The following PARD3 variants were observed in gnomAD, a reference collection of about 807,000 sequenced individuals.
The protein encoded by PARD3 is par-3 family cell polarity regulator, also known as partitioning defective 3 homolog.
A neutral mutation model predicts 155.4 loss-of-function variants in PARD3; 75 were observed. The ratio of observed to expected loss-of-function variants is 0.48; its 90% CI spans 0.40 to 0.58. PARD3 has a LOEUF of 0.58. Ranked by LOEUF, PARD3 falls within the 20% of genes least tolerant of loss-of-function variation. PARD3 has a pLI of 0.00. For missense variants in PARD3, 1,642 were observed against 1,721.7 expected (o/e 0.95, Z 0.82); for synonymous variants, 576 against 610.5 (o/e 0.94, Z 0.83).
chr10:34,282,502 A>G (rs1270443707), intron 21 of PARD3, among the ~76,000 whole-genome samples: 1 of 152,204 alleles, frequency 6.6e-6, no homozygotes, highest in Non-Finnish European at 1.5e-5. Context: ...TAAGCATCAT[A>G]AAAGTATTTT....
chr10:34,600,006 T>C (rs950534378), intron 2 of PARD3, among the ~76,000 whole-genome samples: 5 of 151,892 alleles, frequency 3.3e-5, no homozygotes, highest in African/African-American at 1.2e-4. Flanking sequence ...TTTGACACTG[T>C]GATGAGATCC....
At chr10:34,544,639 C>A (rs2083902675) in intron 2 of PARD3, among the ~76,000 whole-genome samples, 1 of 152,164 alleles carries the variant, frequency 6.6e-6, no homozygotes, top group South Asian at 2.1e-4. Context: ...GAATCAGAAA[C>A]TCTGGGGCTG....
intron 2 of PARD3, among the ~76,000 whole-genome samples, chr10:34,565,260 C>CTTTTTTTTTTTTTTTTTTT (rs59606413): frequency 7.6e-5 from 3 of 39,670 alleles, no homozygotes; most frequent in African/African-American, 3.3e-4. Flanking sequence ...AGGAGCAAGG[C>CTTTTTTTTTTTTTTTTTTT]TTTTTTTTTT....
chr10:34,693,848 C>G (rs2094114482), intron 2 of PARD3, among the ~76,000 whole-genome samples: 1 of 152,148 alleles, frequency 6.6e-6, no homozygotes, highest in Admixed American at 6.6e-5. Context: ...AAAGACTACA[C>G]AGCCATGTTG....
intron 2 of PARD3, among the ~76,000 whole-genome samples, chr10:34,598,546 A>T (rs2089492441): frequency 6.6e-6 from 1 of 152,256 alleles, no homozygotes; most frequent in African/African-American, 2.4e-5. Context: ...TATTTTTTTA[A>T]ATCGAGGGAA....
chr10:34,373,518 A>G (rs529096292), intron 11 of PARD3, among the ~76,000 whole-genome samples: 1 of 151,890 alleles, frequency 6.6e-6, no homozygotes, highest in East Asian at 1.9e-4. Context: ...TCACATGGAA[A>G]GCTAGTTGTT....
At chr10:34,586,996 T>C (rs140515798) in intron 2 of PARD3, among the ~76,000 whole-genome samples, 2 of 152,240 alleles carry the variant, frequency 1.3e-5, no homozygotes, top group East Asian at 3.9e-4. Context: ...GACAAACTCA[T>C]TTTTCTAGTC....
chr10:34,799,288 C>A (rs1272534182), intron 1 of PARD3, among the ~76,000 whole-genome samples: 1 of 152,080 alleles, frequency 6.6e-6, no homozygotes, highest in African/African-American at 2.4e-5. Context: ...GTGATCCACC[C>A]GCCTCGGCCT....
At chr10:34,305,926 T>C (rs959064291) in intron 20 of PARD3, among the ~76,000 whole-genome samples, 2 of 152,112 alleles carry the variant, frequency 1.3e-5, no homozygotes, top group African/African-American at 4.8e-5. Flanking sequence ...GTTGCAAGGA[T>C]CATGTTACTG....
At chr10:34,650,070 G>A (rs1008156706) in intron 2 of PARD3, among the ~76,000 whole-genome samples, 6 of 152,176 alleles carry the variant, frequency 3.9e-5, no homozygotes, top group Non-Finnish European at 1.5e-5. Context: ...GAAACCTCCT[G>A]AAGGCCCTGC....
At chr10:34,660,187 A>C (rs977797102) in intron 2 of PARD3, among the ~76,000 whole-genome samples, 2 of 152,136 alleles carry the variant, frequency 1.3e-5, no homozygotes, top group Non-Finnish European at 2.9e-5. Context: ...ATTACATGCA[A>C]TTTTTCCCCT....
At chr10:34,253,444 C>T (rs765460558) in intron 22 of PARD3, among the ~76,000 whole-genome samples, 2 of 152,172 alleles carry the variant, frequency 1.3e-5, no homozygotes, top group Non-Finnish European at 2.9e-5. Flanking sequence ...TTCTGACAGA[C>T]CTACTCTGGA....
chr10:34,344,133 T>A (rs748479416), intron 15 of PARD3: 15 of 980,998 alleles, frequency 1.5e-5, no homozygotes, highest in Non-Finnish European at 1.8e-5. Flanking sequence ...AAAAGAAAAA[T>A]TATTCAGCTA....
intron 1 of PARD3, among the ~76,000 whole-genome samples, chr10:34,794,904 C>T (rs922150731): frequency 4.6e-5 from 7 of 152,376 alleles, no homozygotes; most frequent in Admixed American, 3.9e-4. Context: ...CACATACACA[C>T]GTATCTATGG....
chr10:34,744,583 C>T (rs1008786148), intron 1 of PARD3, among the ~76,000 whole-genome samples: 2 of 152,202 alleles, frequency 1.3e-5, no homozygotes, highest in Admixed American at 6.5e-5. Flanking sequence ...ATTTAACTTC[C>T]AAATTACTTG....
At chr10:34,295,404 A>C (rs1015198457) in intron 20 of PARD3, among the ~76,000 whole-genome samples, 4 of 152,192 alleles carry the variant, frequency 2.6e-5, no homozygotes, top group Non-Finnish European at 5.9e-5. Context: ...ACTGGCCTGG[A>C]ATTCCTCTCA....
chr10:34,135,123 A>C (rs1258513815), intron 22 of PARD3, among the ~76,000 whole-genome samples: 1 of 152,080 alleles, frequency 6.6e-6, no homozygotes, highest in Non-Finnish European at 1.5e-5. Context: ...AAAACCCTTA[A>C]TGAAGAGTCA....
intron 22 of PARD3, among the ~76,000 whole-genome samples, chr10:34,250,101 A>C (rs1298546278): frequency 1.3e-5 from 2 of 152,092 alleles, no homozygotes; most frequent in African/African-American, 4.8e-5. Context: ...ATGAAATAGA[A>C]AATTTACACG....
intron 1 of PARD3, among the ~76,000 whole-genome samples, chr10:34,715,425 C>T (rs1480595092): frequency 6.6e-6 from 1 of 152,090 alleles, no homozygotes. Context: ...AGGGGATGTA[C>T]CTTCATATAT....
Sources: gnomAD v4.1 joint callset for allele counts (sites outside exome capture counted in the v4.1 genomes callset) on GRCh38, gnomAD v4.1.1 for gene constraint, MANE v1.5 for transcripts, NCBI Gene and HGNC (gene_info 2026-07-23, HGNC 2026-07-21) for gene names.